Variants in MAP2K4 observed in about 807,000 individuals in gnomAD.
MAP2K4 encodes mitogen-activated protein kinase kinase 4, also known as dual specificity mitogen-activated protein kinase kinase 4.
Under a neutral mutation model 48.5 loss-of-function variants are expected in MAP2K4, and 4 were observed. That is an observed-to-expected ratio of 0.08 (90% CI 0.04 to 0.19). The LOEUF (loss-of-function observed/expected upper bound fraction) is 0.19. MAP2K4 is among the 10% of genes least tolerant of loss of function. The probability of loss-of-function intolerance (pLI) is 1.00; values close to 1 mark genes in which losing one functional copy is unlikely to be tolerated. For missense variants in MAP2K4, 258 were observed against 493.3 expected (o/e 0.52, Z 4.52); for synonymous variants, 166 against 173.1 (o/e 0.96, Z 0.32).
At chr17:12,055,622 A>T (rs1185488825) in intron 2 of MAP2K4, among the ~76,000 whole-genome samples, 2 of 151,226 alleles carry the variant, frequency 1.3e-5, no homozygotes, top group Non-Finnish European at 3.0e-5. Flanking sequence ...TGGCAGATAC[A>T]TTTTTTTTTA....
intron 1 of MAP2K4, chr17:12,032,265 G>A (rs996226735): frequency 1.9e-5 from 27 of 1,418,234 alleles, no homozygotes; most frequent in Non-Finnish European, 2.2e-5. Context: ...TTTTACTTTA[G>A]GCTTTCAGAT....
At chr17:12,140,370 C>T (rs182169095) in intron 10 of MAP2K4, among the ~76,000 whole-genome samples, 1 of 152,218 alleles carries the variant, frequency 6.6e-6, no homozygotes, top group East Asian at 1.9e-4. Flanking sequence ...GTGTTGTGAT[C>T]TAATAATGTG....
At chr17:12,076,184 A>G (rs935176183) in intron 2 of MAP2K4, among the ~76,000 whole-genome samples, 2 of 152,072 alleles carry the variant, frequency 1.3e-5, no homozygotes, top group Non-Finnish European at 2.9e-5. Context: ...CTGCCTATAT[A>G]TGAAGTTCCA....
At chr17:12,076,652 T>A (rs1414215667) in intron 2 of MAP2K4, among the ~76,000 whole-genome samples, 5 of 152,196 alleles carry the variant, frequency 3.3e-5, no homozygotes, top group Non-Finnish European at 7.3e-5. Flanking sequence ...TAATCTTGCA[T>A]GTTTCGCAAA....
rs374370343 is a variant in MAP2K4 at position 12,134,722 on chromosome 17, T to G, written c.1041-5117T>G. Among the ~76,000 whole-genome samples the G allele has an allele frequency of 4.6e-5, 7 of 152,226 alleles. No individual in the cohort carries two copies. In the South Asian group the frequency reaches 1.2e-3, roughly 27 times the overall value. On this transcript the variant is annotated intron_variant, in intron 9 of 10. Coordinates refer to ENST00000353533, the MANE Select transcript of MAP2K4 (RefSeq NM_003010.4). ...ATGTGTTCTGAGAAAAGATAAGACT[T>G]GACAAGTTTTCAATTAAAACACATG...
At chr17:12,033,412 CTGAT>C (rs1969500692) in intron 1 of MAP2K4, among the ~76,000 whole-genome samples, 1 of 152,058 alleles carries the variant, frequency 6.6e-6, no homozygotes, top group South Asian at 2.1e-4. Context: ...ATAGTTTCCA[CTGAT>C]TGATTGTTAT....
At chr17:12,066,889 CCG>C (rs1354403583) in intron 2 of MAP2K4, among the ~76,000 whole-genome samples, 1 of 152,206 alleles carries the variant, frequency 6.6e-6, no homozygotes, top group African/African-American at 2.4e-5. Flanking sequence ...CGGGGCTTCA[CCG>C]TGGTCTCGAT....
chr17:12,138,875 T>C (rs1023431585), intron 9 of MAP2K4, among the ~76,000 whole-genome samples: 1 of 152,174 alleles, frequency 6.6e-6, no homozygotes, highest in Admixed American at 6.5e-5. Flanking sequence ...TTATTCACTT[T>C]TGTGGATCAG....
Position 12,110,443 on chromosome 17 carries a change from A to T in MAP2K4, c.685+17A>T, listed in dbSNP as rs1174184912. On this transcript the variant is annotated intron_variant, in intron 6 of 10. Transcript: ENST00000353533. Reference sequence around the variant, plus strand: ...TTCACAGAGGTGGGTATGGATTGGTATTTTTTGTAATAGAAATTAACTTTT... The same window carrying T: ...TTCACAGAGGTGGGTATGGATTGGTTTTTTTTGTAATAGAAATTAACTTTT... 1 of 1,565,242 alleles carries T rather than the reference A, an allele frequency of 6.4e-7. No homozygotes were observed.
chr17:12,115,943 A>G (rs371362992), intron 7 of MAP2K4: 15 of 475,872 alleles, frequency 3.2e-5, no homozygotes, highest in African/African-American at 2.2e-4. Flanking sequence ...AACACCAGCT[A>G]TGAATTGAGT....
At chr17:12,089,454 T>G (rs1971491150) in intron 3 of MAP2K4, among the ~76,000 whole-genome samples, 1 of 152,194 alleles carries the variant, frequency 6.6e-6, no homozygotes, top group Non-Finnish European at 1.5e-5. Flanking sequence ...TCTATTTGTT[T>G]TAATTGGTGC....
At chr17:12,046,867 C>T (rs554713000) in intron 1 of MAP2K4, among the ~76,000 whole-genome samples, 317 of 152,008 alleles carry the variant, frequency 2.1e-3, no homozygotes, top group Non-Finnish European at 3.9e-3. Flanking sequence ...AGCTTGGAAG[C>T]GAGTTTTGGG....
At chr17:12,116,061 A>G (rs182461944) in intron 7 of MAP2K4, among the ~76,000 whole-genome samples, 55 of 152,338 alleles carry the variant, frequency 3.6e-4, no homozygotes, top group African/African-American at 1.2e-3. Flanking sequence ...AAGTCAGATG[A>G]GTATCCCTGT....
intron 7 of MAP2K4, among the ~76,000 whole-genome samples, chr17:12,123,117 T>A (rs558079682): frequency 6.6e-6 from 1 of 152,314 alleles, no homozygotes; most frequent in African/African-American, 2.4e-5. Flanking sequence ...ATCGTTATGC[T>A]GGCCTCATGA....
intron 2 of MAP2K4, among the ~76,000 whole-genome samples, chr17:12,061,386 C>CTG (rs1970445170): frequency 6.6e-6 from 1 of 152,174 alleles, no homozygotes. Flanking sequence ...GTACCTGAGG[C>CTG]TGTGGTACAC....
chr17:12,068,461 G>A (rs1243855551), intron 2 of MAP2K4, among the ~76,000 whole-genome samples: 1 of 152,148 alleles, frequency 6.6e-6, no homozygotes, highest in African/African-American at 2.4e-5. Flanking sequence ...GACTTCAATA[G>A]TATTAAATTG....
At chr17:12,099,190 C>T (rs118017653) in intron 4 of MAP2K4, among the ~76,000 whole-genome samples, 149 of 151,552 alleles carry the variant, frequency 9.8e-4, no homozygotes, top group Non-Finnish European at 1.9e-3. Context: ...AAGATAATGG[C>T]CTCCAGTGTA....
At chr17:12,050,971 G>A (rs556384455) in intron 1 of MAP2K4, among the ~76,000 whole-genome samples, 1 of 152,240 alleles carries the variant, frequency 6.6e-6, no homozygotes, top group East Asian at 1.9e-4. Context: ...ACTGTGTGCC[G>A]ATGCTGTGAA....
chr17:12,085,808 A>T lies in MAP2K4; in HGVS notation c.393+4278A>T, dbSNP rs145282275. ...TGTTCCCTGAGTAGAACGGAACTTT[A>T]ATCTGCTGGTTGAGTAGGCCTCCCT... On this transcript the variant is annotated intron_variant, in intron 3 of 10. Coordinates refer to ENST00000353533, the MANE Select transcript of MAP2K4 (RefSeq NM_003010.4). Among the ~76,000 whole-genome samples, 704 of 152,186 alleles carry T rather than the reference A, an allele frequency of 4.6e-3. 5 individuals carry two copies. The highest frequency in any genetic ancestry group is 0.01 in the Middle Eastern group (3 of 294).
Sources: allele counts gnomAD v4.1 joint callset (sites outside exome capture counted in the v4.1 genomes callset), GRCh38; gene constraint gnomAD v4.1.1; transcripts MANE v1.5; gene names NCBI Gene and HGNC (gene_info 2026-07-23, HGNC 2026-07-21).